The following GRIK2 variants were observed in gnomAD, a reference collection of about 807,000 sequenced individuals.
GRIK2 encodes the protein glutamate ionotropic receptor kainate type subunit 2, also known as glutamate receptor ionotropic, kainate 2.
In GRIK2, 32 loss-of-function variants were observed where a neutral mutation model predicts 100.3. That is an observed-to-expected ratio of 0.32 (90% CI 0.24 to 0.43). GRIK2 has a LOEUF of 0.43. GRIK2 is among the 20% of genes least tolerant of loss of function. GRIK2 has a pLI of 1.00. For synonymous variants in GRIK2, 417 were observed against 389.4 expected (o/e 1.07, Z -0.83); for missense variants, 843 against 1,114.9 (o/e 0.76, Z 3.47).
At position 101,421,826 on chromosome 6, in the gene GRIK2, A is replaced by T. The variant is rs1776428070; in HGVS notation, c.115+22434A>T. The stretch of plus-strand genomic sequence containing the variant: ...AGAAACAACAATAGGATTTTTAAGC[A>T]ATCTCAAGTACGTGAGCATCAAATC... On this transcript the variant is annotated intron_variant, in intron 2 of 16. Coordinates refer to ENST00000369134, the MANE Select transcript of GRIK2 (RefSeq NM_021956.5). 2.0e-5 allele frequency among the ~76,000 whole-genome samples: 3 copies of T among 152,220 alleles called. No individual in the cohort carries two copies. In the South Asian group the frequency reaches 6.2e-4, roughly 32 times the overall value.
chr6:101,526,838 G>A (rs186213717), intron 2 of GRIK2, among the ~76,000 whole-genome samples: 11 of 152,190 alleles, frequency 7.2e-5, no homozygotes, highest in South Asian at 2.1e-4. Flanking sequence ...CCCGGGGTTC[G>A]GAGGAGGCAA....
intron 14 of GRIK2, among the ~76,000 whole-genome samples, chr6:102,034,699 C>T (rs1435748131): frequency 6.6e-6 from 1 of 151,212 alleles, no homozygotes; most frequent in Non-Finnish European, 1.5e-5. Context: ...TTTAGTAGGC[C>T]TGAATAATAG....
At chr6:101,492,287 T>G (rs1396916511) in intron 2 of GRIK2, among the ~76,000 whole-genome samples, 1 of 151,970 alleles carries the variant, frequency 6.6e-6, no homozygotes, top group African/African-American at 2.4e-5. Context: ...TTAGCTGATA[T>G]TAATCTGTAA....
chr6:101,510,113 A>G (rs952131447), intron 2 of GRIK2, among the ~76,000 whole-genome samples: 3 of 152,220 alleles, frequency 2.0e-5, no homozygotes, highest in Admixed American at 6.5e-5. Flanking sequence ...AAAGAGATAT[A>G]GGTAAACATT....
At chr6:101,493,631 AAG>A (rs1376976868) in intron 2 of GRIK2, among the ~76,000 whole-genome samples, 1 of 151,964 alleles carries the variant, frequency 6.6e-6, no homozygotes, top group African/African-American at 2.4e-5. Flanking sequence ...AGGAGGAAAA[AAG>A]AGCCTTCAAA....
At chr6:101,807,229 A>G (rs1781060945) in intron 9 of GRIK2, among the ~76,000 whole-genome samples, 1 of 151,926 alleles carries the variant, frequency 6.6e-6, no homozygotes, top group Non-Finnish European at 1.5e-5. Context: ...TCATGGGTCA[A>G]TGTTTCAAGT....
intron 2 of GRIK2, among the ~76,000 whole-genome samples, chr6:101,508,027 A>C (rs1774110213): frequency 6.6e-6 from 1 of 152,120 alleles, no homozygotes. Flanking sequence ...TGAAGTAGGA[A>C]ATTTAGACAA....
intron 14 of GRIK2, among the ~76,000 whole-genome samples, chr6:101,989,417 G>C (rs1183043907): frequency 6.6e-6 from 1 of 151,644 alleles, no homozygotes; most frequent in Non-Finnish European, 1.5e-5. Flanking sequence ...TCTGCATTAT[G>C]GATTCAGATA....
At chr6:101,590,684 C>A (rs1778602013) in intron 2 of GRIK2, among the ~76,000 whole-genome samples, 2 of 152,026 alleles carry the variant, frequency 1.3e-5, no homozygotes. Flanking sequence ...CTAACGAGAT[C>A]TTAATATCAT....
intron 7 of GRIK2, among the ~76,000 whole-genome samples, chr6:101,715,096 G>A (rs1282585276): frequency 6.6e-6 from 1 of 151,708 alleles, no homozygotes; most frequent in Non-Finnish European, 1.5e-5. Context: ...TTTGCCTGAA[G>A]TGTTATAAGT....
intron 2 of GRIK2, among the ~76,000 whole-genome samples, chr6:101,415,795 C>T (rs954415781): frequency 2.0e-5 from 3 of 152,084 alleles, no homozygotes; most frequent in East Asian, 1.9e-4. Context: ...ACTGGCTCTC[C>T]GGCCTTTGAG....
At chr6:101,781,773 T>C (rs1779111685) in intron 7 of GRIK2, among the ~76,000 whole-genome samples, 1 of 152,122 alleles carries the variant, frequency 6.6e-6, no homozygotes, top group Non-Finnish European at 1.5e-5. Flanking sequence ...CATGAAATTG[T>C]TCCTAGTTAA....
intron 14 of GRIK2, among the ~76,000 whole-genome samples, chr6:101,952,885 A>G (rs1014027059): frequency 1.3e-5 from 2 of 152,192 alleles, no homozygotes; most frequent in African/African-American, 4.8e-5. Context: ...AATAATTTTT[A>G]AAACTTTTTC....
chr6:101,961,491 C>T (rs564956511), intron 14 of GRIK2, among the ~76,000 whole-genome samples: 44 of 152,240 alleles, frequency 2.9e-4, no homozygotes, highest in African/African-American at 1.0e-3. Context: ...CAGCTGCATC[C>T]GCAGCTGTGG....
chr6:101,660,229 A>C (rs1425661899), intron 4 of GRIK2, among the ~76,000 whole-genome samples: 1 of 152,014 alleles, frequency 6.6e-6, no homozygotes, highest in Non-Finnish European at 1.5e-5. Context: ...GTTGATCTTC[A>C]ATCTCTGATA....
At chr6:101,940,246 G>T (rs1333501965) in intron 14 of GRIK2, among the ~76,000 whole-genome samples, 1 of 152,030 alleles carries the variant, frequency 6.6e-6, no homozygotes, top group Non-Finnish European at 1.5e-5. Flanking sequence ...TGTGGCTTTT[G>T]TTTTAATGAA....
rs1188965540 is a variant in GRIK2 at position 101,956,841 on chromosome 6, A to T, written c.2085+28209A>T. Among the ~76,000 whole-genome samples, 25 of 142,934 alleles carry T rather than the reference A, an allele frequency of 1.7e-4. No homozygotes were observed. In the Admixed American group the frequency reaches 1.8e-3, roughly 10 times the overall value. The allele number at this position is 142,934 out of a possible 152,430, so 93.8% of individuals were successfully genotyped here. A position where few individuals can be genotyped will look rare whatever the true frequency, so the allele number is the denominator to read the frequency against. On this transcript the variant is annotated intron_variant, in intron 14 of 16. Coordinates refer to ENST00000369134, the MANE Select transcript of GRIK2 (RefSeq NM_021956.5). ...ACATATCTATAAGAATTTTATATAT[A>T]AGAATTATAGATATATACATATATA...
chr6:101,669,410 C>T (rs953039243), intron 4 of GRIK2, among the ~76,000 whole-genome samples: 4 of 152,078 alleles, frequency 2.6e-5, no homozygotes, highest in African/African-American at 9.7e-5. Flanking sequence ...GACCAATGGA[C>T]TGTAGGATAG....
chr6:102,061,240 A>AGAT (rs1376587094), intron 16 of GRIK2, among the ~76,000 whole-genome samples: 2 of 150,576 alleles, frequency 1.3e-5, no homozygotes, highest in Admixed American at 6.6e-5. Context: ...ATAGCTTAAT[A>AGAT]GATAATTTTA....
Sources: allele counts gnomAD v4.1 joint callset (sites outside exome capture counted in the v4.1 genomes callset), GRCh38; gene constraint gnomAD v4.1.1; transcripts MANE v1.5; gene names NCBI Gene and HGNC (gene_info 2026-07-23, HGNC 2026-07-21).